The following MYLK variants were observed in gnomAD, a reference collection of about 807,000 sequenced individuals.
MYLK encodes the protein myosin light chain kinase.
A neutral mutation model predicts 203.4 loss-of-function variants in MYLK; 106 were observed. That is an observed-to-expected ratio of 0.52 (90% CI 0.45 to 0.61). The LOEUF (loss-of-function observed/expected upper bound fraction) is 0.61. Ranked by LOEUF, MYLK falls within the 20% of genes least tolerant of loss-of-function variation. The pLI, the probability that MYLK is intolerant of heterozygous loss-of-function variation, is 0.00. For synonymous variants in MYLK, 867 were observed against 959.5 expected, an observed-to-expected ratio of 0.90 and a Z score of 1.78; for missense variants, 2,072 against 2,442.3, an observed-to-expected ratio of 0.85 and a Z score of 3.20.
intron 20 of MYLK, among the ~76,000 whole-genome samples, chr3:123,671,030 T>C (rs1300063632): frequency 6.6e-6 from 1 of 152,260 alleles, no homozygotes; most frequent in East Asian, 1.9e-4. Context: ...TAGGAGGCTA[T>C]TGCCATACCT....
At chr3:123,726,414 G>A (rs2062288466) in intron 11 of MYLK, among the ~76,000 whole-genome samples, 1 of 152,150 alleles carries the variant, frequency 6.6e-6, no homozygotes, top group African/African-American at 2.4e-5. Context: ...CCTCTGGAGA[G>A]CTCCTTCCTG....
At chr3:123,806,171 C>CGAGAA (rs2065359680) in intron 3 of MYLK, among the ~76,000 whole-genome samples, 1 of 152,214 alleles carries the variant, frequency 6.6e-6, no homozygotes, top group Non-Finnish European at 1.5e-5. Flanking sequence ...CTCTCATCTT[C>CGAGAA]TCAGATTCTA....
At chr3:123,708,602 C>A (rs1051038388) in intron 15 of MYLK, 96 bp downstream of exon 15, 6 of 1,443,556 alleles carry the variant, frequency 4.2e-6, no homozygotes, top group Non-Finnish European at 5.7e-6. Context: ...TCAGTGGGAA[C>A]AAAGTAGCCT....
intron 21 of MYLK, 131 bp downstream of exon 21, chr3:123,667,006 T>C: frequency 8.5e-6 from 6 of 703,988 alleles, no homozygotes; most frequent in South Asian, 4.3e-5. Flanking sequence ...GAGCTGGAAC[T>C]GAGGGTGGGG....
intron 20 of MYLK, among the ~76,000 whole-genome samples, chr3:123,676,722 G>T (rs2060082818): frequency 6.6e-6 from 1 of 152,246 alleles, no homozygotes; most frequent in Admixed American, 6.5e-5. Flanking sequence ...GACCCTTGGA[G>T]CATGGGAACT....
chr3:123,776,582 T>C (rs1454841085), intron 4 of MYLK, among the ~76,000 whole-genome samples: 1 of 152,210 alleles, frequency 6.6e-6, no homozygotes, highest in East Asian at 1.9e-4. Flanking sequence ...TCAGATTTAA[T>C]GGAATATTCA....
In MYLK at chr3:123,820,652, T is replaced by TTCCC. The variant is rs1458697844; in HGVS notation, c.-4+10895_-4+10896insGGGA. 9.4e-4 allele frequency among the ~76,000 whole-genome samples: 107 copies of TTCCC among 113,868 alleles called. 2 individuals are homozygous for TTCCC. Among genetic ancestry groups the TTCCC allele is most frequent in the East Asian group, 2.1e-3 (10 of 4,822 alleles). 74.7% of individuals were successfully genotyped at this position (113,868 alleles called of 152,430 possible). On this transcript the variant is annotated intron_variant, in intron 3 of 33. Transcript: ENST00000360304. Reference sequence around the variant, plus strand: ...CTTCCTTCCTTCCTTCCCTCCTTCCTTCCTTCCTTCCCTCCTTCCTTCCTT... The same window carrying TTCCC: ...CTTCCTTCCTTCCTTCCCTCCTTCCTTCCCTCCTTCCTTCCCTCCTTCCTTCCTT...
intron 2 of MYLK, among the ~76,000 whole-genome samples, chr3:123,833,944 A>G (rs1254769932): frequency 6.6e-6 from 1 of 152,170 alleles, no homozygotes; most frequent in Non-Finnish European, 1.5e-5. Flanking sequence ...AGGACTGAAC[A>G]ACACTGGAAA....
intron 4 of MYLK, among the ~76,000 whole-genome samples, chr3:123,778,429 C>T (rs560795254): frequency 2.0e-5 from 3 of 149,744 alleles, no homozygotes; most frequent in African/African-American, 7.3e-5. Flanking sequence ...AGGAGAATGG[C>T]GTGAACCCGG....
chr3:123,712,765 C>T (rs3863976), intron 13 of MYLK, among the ~76,000 whole-genome samples: 5 of 152,140 alleles, frequency 3.3e-5, no homozygotes, highest in Non-Finnish European at 4.4e-5. Flanking sequence ...TCGGTCTCTA[C>T]GGGGAGTCGT....
chr3:123,799,588 A>AC (rs1433183997), intron 3 of MYLK, among the ~76,000 whole-genome samples: 6 of 152,142 alleles, frequency 3.9e-5, no homozygotes, highest in African/African-American at 1.4e-4. Context: ...TCCGCAGTCT[A>AC]CCGTGAACCC....
chr3:123,767,783 A>C (rs1281611424), intron 4 of MYLK, among the ~76,000 whole-genome samples: 1 of 152,190 alleles, frequency 6.6e-6, no homozygotes, highest in Non-Finnish European at 1.5e-5. Context: ...AGTACTTGCT[A>C]AGGATGAATG....
In MYLK at chr3:123,734,090, T is replaced by C; in HGVS notation, c.906A>G (p.Arg302=). Residue 302 remains arginine (R), a synonymous_variant, in exon 10 of 34, where the codon AGA becomes AGG. Coordinates refer to ENST00000360304, the MANE Select transcript of MYLK (RefSeq NM_053025.4). The part of the protein sequence containing the change: ...AKSKNCSSPQ[R]GGSPPWAANS... ...TTGCAGCCCAGGGTGGGGAGCCACCTCTCTGGGGGCTGGAGCAGTTCTTGC... is the reference window on the plus strand; with the variant it reads ...TTGCAGCCCAGGGTGGGGAGCCACCCCTCTGGGGGCTGGAGCAGTTCTTGC... 1 of 1,611,420 alleles carries C rather than the reference T, an allele frequency of 6.2e-7. No homozygotes were observed. The highest frequency in any genetic ancestry group is 8.5e-7 in the Non-Finnish European group (1 of 1,178,514).
chr3:123,696,797 A>G (rs2060947816), intron 18 of MYLK, among the ~76,000 whole-genome samples: 1 of 152,136 alleles, frequency 6.6e-6, no homozygotes, highest in South Asian at 2.1e-4. Context: ...CCCTAAACTG[A>G]GCTTCATGTA....
At chr3:123,854,006 G>A (rs1218941355) in intron 2 of MYLK, among the ~76,000 whole-genome samples, 1 of 151,738 alleles carries the variant, frequency 6.6e-6, no homozygotes, top group Non-Finnish European at 1.5e-5. Context: ...TTGGAAACCT[G>A]GGTCTACCAT....
rs143992995 is a variant in MYLK at position 123,877,511 on chromosome 3, G to A, written c.-185-894C>T. Among the ~76,000 whole-genome samples, 92 of 152,318 alleles carry A rather than the reference G, an allele frequency of 6.0e-4. 2 individuals carry two copies. The South Asian group carries it at 0.011, about 18-fold the overall frequency. On this transcript the variant is annotated intron_variant, in intron 1 of 33. Coordinates refer to ENST00000360304, the MANE Select transcript of MYLK (RefSeq NM_053025.4). Reference sequence around the variant, plus strand: ...TGGGATAATCAGCAGGCCCACAGGGGAGGAGCTGAGTCCCTAGGTGCCTGC... The same window carrying A: ...TGGGATAATCAGCAGGCCCACAGGGAAGGAGCTGAGTCCCTAGGTGCCTGC...
intron 27 of MYLK, chr3:123,646,956 A>G (rs1328727032): frequency 3.7e-6 from 2 of 536,682 alleles, no homozygotes; most frequent in Non-Finnish European, 6.7e-6. Flanking sequence ...GAAAGACACC[A>G]GGGTCCTCAA....
At chr3:123,769,692 C>T (rs1324664363) in intron 4 of MYLK, among the ~76,000 whole-genome samples, 1 of 152,186 alleles carries the variant, frequency 6.6e-6, no homozygotes, top group African/African-American at 2.4e-5. Flanking sequence ...TGTGCACAGT[C>T]ACTCCTGCCT....
rs2059120129 is a variant in MYLK at position 123,649,084 on chromosome 3, G to A, written c.4322-20C>T. 1 of 1,614,028 alleles carries A rather than the reference G, an allele frequency of 6.2e-7. No individual in the cohort carries two copies. Among genetic ancestry groups the A allele is most frequent in the Non-Finnish European group, 8.5e-7 (1 of 1,179,908 alleles). On this transcript the variant is annotated intron_variant, in intron 25 of 33. Transcript: ENST00000360304. The stretch of plus-strand genomic sequence containing the variant: ...TCTCATCTGTGGGGCACAGGTCAGG[G>A]TTGGTGTGAGTCTCAGATGCCCCCA...
Sources: gnomAD v4.1 joint callset for allele counts (sites outside exome capture counted in the v4.1 genomes callset) on GRCh38, gnomAD v4.1.1 for gene constraint, MANE v1.5 for transcripts, NCBI Gene and HGNC (gene_info 2026-07-23, HGNC 2026-07-21) for gene names.